The following GLDC variants were observed in gnomAD, a reference collection of about 807,000 sequenced individuals.
GLDC encodes the protein glycine decarboxylase.
In GLDC, 104 loss-of-function variants were observed where a neutral mutation model predicts 121.3. The ratio of observed to expected loss-of-function variants is 0.86; its 90% confidence interval spans 0.73 to 1.01. The LOEUF is 1.01. Among genes scored for constraint, GLDC ranks in the 50% least tolerant of loss-of-function variants. GLDC has a pLI of 0.00. For missense variants in GLDC, 1,429 were observed against 1,306.6 expected, an observed-to-expected ratio of 1.09 and a Z score of -1.44; for synonymous variants, 546 against 480.6, an observed-to-expected ratio of 1.14 and a Z score of -1.78.
intron 2 of GLDC, among the ~76,000 whole-genome samples, chr9:6,623,582 CCT>C (rs1292839218): frequency 6.6e-6 from 1 of 151,338 alleles, no homozygotes; most frequent in East Asian, 1.9e-4. Context: ...GCCAAATCCC[CCT>C]CTGAGAGAAA....
intron 2 of GLDC, among the ~76,000 whole-genome samples, chr9:6,633,616 C>T (rs1036474020): frequency 1.3e-5 from 2 of 152,088 alleles, no homozygotes; most frequent in East Asian, 1.9e-4. Flanking sequence ...TCAACCACCA[C>T]GTCTGTACAA....
intron 15 of GLDC, among the ~76,000 whole-genome samples, chr9:6,580,614 T>C (rs371498949): frequency 1.3e-5 from 2 of 152,098 alleles, no homozygotes; most frequent in Non-Finnish European, 2.9e-5. Context: ...AGATCCCAAA[T>C]AGAGGAGAGA....
At chr9:6,631,790 G>C (rs1390264730) in intron 2 of GLDC, among the ~76,000 whole-genome samples, 1 of 152,194 alleles carries the variant, frequency 6.6e-6, no homozygotes, top group East Asian at 1.9e-4. Flanking sequence ...ATATGGGCTG[G>C]GCACAGTGGC....
chr9:6,549,899 T>A (rs568445609), intron 21 of GLDC, among the ~76,000 whole-genome samples: 75 of 152,278 alleles, frequency 4.9e-4, no homozygotes, highest in African/African-American at 1.8e-3. Flanking sequence ...CTCAAAAACC[T>A]TTAATGGCTA....
At chr9:6,624,683 C>G (rs1447598838) in intron 2 of GLDC, among the ~76,000 whole-genome samples, 1 of 152,080 alleles carries the variant, frequency 6.6e-6, no homozygotes, top group Non-Finnish European at 1.5e-5. Flanking sequence ...GCCCAGCTGG[C>G]CAGTTAAAAA....
chr9:6,553,351 A>G lies in GLDC; in HGVS notation c.2457+17T>C, dbSNP rs371788223. ...CCCCCACCCACCTGCACACCTGCAC[A>G]TACTCCCAGGCCTCACCTTGATATA... On this transcript the variant is annotated intron_variant, in intron 20 of 24. Coordinates refer to ENST00000321612, the MANE Select transcript of GLDC (RefSeq NM_000170.3). 1.9e-6 allele frequency: 3 copies of G among 1,613,308 alleles called. No homozygotes were observed. Among genetic ancestry groups the G allele is most frequent in the South Asian group, 1.1e-5 (1 of 91,072 alleles).
Position 6,629,959 on chromosome 9 carries a change from T to TATA in GLDC, c.335-9641_335-9640insTAT, listed in dbSNP as rs1449751329. ...TATATATATATGTATATATATATAT[T>TATA]TTTTTTTTTTAAGAGAGACAAGGTC... On this transcript the variant is annotated intron_variant, in intron 2 of 24. Transcript: ENST00000321612. Among the ~76,000 whole-genome samples the TATA allele has an allele frequency of 2.1e-4, 12 of 55,868 alleles. 1 individual carries two copies. Among genetic ancestry groups the TATA allele is most frequent in the African/African-American group, 1.8e-3 (12 of 6,668 alleles). The allele number at this position is 55,868 out of a possible 152,430, so 36.7% of individuals were successfully genotyped here. A position where few individuals can be genotyped will look rare whatever the true frequency, so the allele number is the denominator to read the frequency against.
rs557634122 is a variant in GLDC at position 6,623,883 on chromosome 9, C to G, written c.335-3564G>C. On this transcript the variant is annotated intron_variant, in intron 2 of 24. Transcript: ENST00000321612. ...CTTCTTAGGGGCAGAATGATTCAGA[C>G]GCCCAGTAGGAGGAAAGATTAATTA... 6.6e-5 allele frequency among the ~76,000 whole-genome samples: 10 copies of G among 152,310 alleles called. No individual in the cohort carries two copies. In the South Asian group the frequency reaches 2.1e-3, roughly 32 times the overall value.
In GLDC at chr9:6,601,983, C is replaced by G. The variant is rs150921861; in HGVS notation, c.1155+126G>C. ...AATGAGCCTTCTACACCAATAAGAT[C>G]TTGCCATTTCTGGTGTGCTCACTGC... On this transcript the variant is annotated intron_variant, in intron 8 of 24. Transcript: ENST00000321612. 253 of 699,520 alleles carry G rather than the reference C, an allele frequency of 3.6e-4. 1 individual carries two copies. The highest frequency in any genetic ancestry group is 2.9e-3 in the East Asian group (108 of 36,894). The allele number at this position is 699,520 out of a possible 1,614,324, so 43.3% of individuals were successfully genotyped here.
intron 24 of GLDC, 52 bp downstream of exon 24, chr9:6,534,656 A>C: frequency 1.1e-6 from 1 of 897,854 alleles, no homozygotes; most frequent in Non-Finnish European, 1.9e-6. Context: ...CCGTCAGGAT[A>C]GGAGCTGGCC....
intron 22 of GLDC, among the ~76,000 whole-genome samples, chr9:6,539,771 C>T (rs1817217106): frequency 6.6e-6 from 1 of 152,226 alleles, no homozygotes; most frequent in African/African-American, 2.4e-5. Context: ...TCCTTTACCA[C>T]TACACTCACT....
At chr9:6,634,679 G>A (rs966210453) in intron 2 of GLDC, among the ~76,000 whole-genome samples, 2 of 152,196 alleles carry the variant, frequency 1.3e-5, no homozygotes, top group Non-Finnish European at 2.9e-5. Context: ...ATGGGCAGCT[G>A]TAGCTCCAGG....
chr9:6,592,272 C>T (rs1818389645), intron 10 of GLDC, 49 bp from the exon 11 acceptor site: 1 of 1,129,120 alleles, frequency 8.9e-7, no homozygotes, highest in Non-Finnish European at 1.3e-6. Flanking sequence ...AACTCCACAT[C>T]ACTGGAGGAA....
intron 21 of GLDC, among the ~76,000 whole-genome samples, chr9:6,545,434 G>A (rs1817367864): frequency 6.6e-6 from 1 of 151,990 alleles, no homozygotes; most frequent in South Asian, 2.1e-4. Flanking sequence ...CATAAAAAAT[G>A]GTACATCTGT....
intron 15 of GLDC, among the ~76,000 whole-genome samples, chr9:6,581,471 T>G (rs1358441333): frequency 1.3e-5 from 2 of 152,198 alleles, no homozygotes; most frequent in South Asian, 2.1e-4. Flanking sequence ...AAACCCCAAA[T>G]AAGACACAAG....
rs568497833 is a variant in GLDC, at chr9:6,620,389, C to T, written c.335-70G>A. Reference sequence around the variant, plus strand: ...AAAGAGCTCTAATTACAGTTTAAATCCCTCATTTTGTTTGAGTATTTATGA... The same window carrying T: ...AAAGAGCTCTAATTACAGTTTAAATTCCTCATTTTGTTTGAGTATTTATGA... On this transcript the variant is annotated intron_variant, in intron 2 of 24. Coordinates refer to ENST00000321612, the MANE Select transcript of GLDC (RefSeq NM_000170.3). The T allele has an allele frequency of 6.0e-6, 8 of 1,326,376 alleles. No homozygotes were observed. The Admixed American group carries it at 1.2e-4, about 19-fold the overall frequency. The allele number at this position is 1,326,376 out of a possible 1,614,324, so 82.2% of individuals were successfully genotyped here.
Position 6,622,297 on chromosome 9 carries a change from A to G in GLDC, c.335-1978T>C, listed in dbSNP as rs1052751286. Among the ~76,000 whole-genome samples the G allele has an allele frequency of 2.1e-4, 32 of 151,348 alleles. 1 individual carries two copies. In the South Asian group the frequency reaches 2.6e-3, roughly 12 times the overall value. Reference sequence around the variant, plus strand: ...CCCTCTCCCTCTTTCCACGGGCCGAAGCTGGACTGTGCTGCTGCCATCTTG... The same window carrying G: ...CCCTCTCCCTCTTTCCACGGGCCGAGGCTGGACTGTGCTGCTGCCATCTTG... On this transcript the variant is annotated intron_variant, in intron 2 of 24. Transcript: ENST00000321612.
At chr9:6,548,314 T>C (rs916846747) in intron 21 of GLDC, among the ~76,000 whole-genome samples, 1 of 152,280 alleles carries the variant, frequency 6.6e-6, no homozygotes, top group Admixed American at 6.5e-5. Flanking sequence ...ATGAAATAAA[T>C]ATTGAAGCTA....
intron 2 of GLDC, chr9:6,639,687 A>ATATATATATATATATATATG (rs1819590148): frequency 4.2e-6 from 1 of 235,500 alleles, no homozygotes; most frequent in South Asian, 8.9e-5. Context: ...ATATATATAT[A>ATATATATATATATATATATG]TGGACAAAAC....
Sources: allele counts gnomAD v4.1 joint callset (sites outside exome capture counted in the v4.1 genomes callset), GRCh38; gene constraint gnomAD v4.1.1; transcripts MANE v1.5; gene names NCBI Gene and HGNC (gene_info 2026-07-23, HGNC 2026-07-21).